PLPP4: variants seen among roughly 807,000 people sequenced by gnomAD.
PLPP4 encodes the protein phospholipid phosphatase 4, also known as diacylglycerol pyrophosphate like 2.
PLPP4 carries 20 observed loss-of-function variants against 32.2 expected under a neutral mutation model. The ratio of observed to expected loss-of-function variants is 0.62; its 90% CI spans 0.44 to 0.90. The LOEUF is 0.90. PLPP4 is among the 40% of genes least tolerant of loss of function. The pLI is 0.00. For synonymous variants in PLPP4, 127 were observed against 133.0 expected, an observed-to-expected ratio of 0.95 and a Z score of 0.31; for missense variants, 257 against 353.1, an observed-to-expected ratio of 0.73 and a Z score of 2.18.
intron 5 of PLPP4, among the ~76,000 whole-genome samples, chr10:120,558,094 T>C (rs997064479): frequency 6.6e-6 from 1 of 151,296 alleles, no homozygotes; most frequent in African/African-American, 2.4e-5. Flanking sequence ...GTTTAAGAGG[T>C]TGAATTTAAC....
At chr10:120,532,587 T>C (rs931742780) in intron 5 of PLPP4, among the ~76,000 whole-genome samples, 2 of 152,150 alleles carry the variant, frequency 1.3e-5, no homozygotes, top group African/African-American at 4.8e-5. Context: ...TTGTCTCTCA[T>C]AAAATAAAAC....
Position 120,515,718 on chromosome 10 carries a change from G to A in PLPP4, c.256+1717G>A, listed in dbSNP as rs562667859. On this transcript the variant is annotated intron_variant, in intron 3 of 6. Transcript: ENST00000398250. ...GCCTCCACACATGGCTTGAGTGGCC[G>A]GGCAGTGTTTGGATGGATATCACCA... Among the ~76,000 whole-genome samples the A allele has an allele frequency of 7.9e-5, 12 of 152,308 alleles. No homozygotes were observed. In the South Asian group the frequency reaches 1.7e-3, roughly 21 times the overall value.
chr10:120,471,759 G>C (rs533109832), intron 1 of PLPP4, among the ~76,000 whole-genome samples: 12 of 151,974 alleles, frequency 7.9e-5, no homozygotes, highest in Non-Finnish European at 1.6e-4. Context: ...TAATATGGTT[G>C]AATTTAAATC....
chr10:120,569,817 T>A (rs973956621), intron 5 of PLPP4, among the ~76,000 whole-genome samples: 1 of 152,224 alleles, frequency 6.6e-6, no homozygotes, highest in African/African-American at 2.4e-5. Flanking sequence ...GGGTGCCTCC[T>A]ATTGTCAGGC....
At chr10:120,491,698 A>G (rs1844731717) in intron 1 of PLPP4, among the ~76,000 whole-genome samples, 1 of 152,080 alleles carries the variant, frequency 6.6e-6, no homozygotes, top group African/African-American at 2.4e-5. Flanking sequence ...ACCAATTATC[A>G]GCACTTTTAT....
chr10:120,538,787 G>C (rs1002441818), intron 5 of PLPP4, among the ~76,000 whole-genome samples: 8 of 152,140 alleles, frequency 5.3e-5, no homozygotes, highest in African/African-American at 1.9e-4. Context: ...GGGCCTTAAA[G>C]CCTTTATTTT....
At chr10:120,560,723 C>T (rs1178463606) in intron 5 of PLPP4, among the ~76,000 whole-genome samples, 1 of 152,052 alleles carries the variant, frequency 6.6e-6, no homozygotes, top group East Asian at 1.9e-4. Flanking sequence ...CCACTGCACT[C>T]CAACCTGGGT....
chr10:120,519,266 G>A (rs968452461), intron 4 of PLPP4, among the ~76,000 whole-genome samples: 2 of 152,050 alleles, frequency 1.3e-5, no homozygotes, highest in Non-Finnish European at 2.9e-5. Flanking sequence ...TGAGACATAT[G>A]GATTGGCATT....
chr10:120,466,288 G>T (rs929512010), intron 1 of PLPP4, among the ~76,000 whole-genome samples: 1 of 151,794 alleles, frequency 6.6e-6, no homozygotes, highest in Non-Finnish European at 1.5e-5. Context: ...GCACCCCTAC[G>T]TATATATGTA....
At chr10:120,580,833 C>T (rs1488769922) in intron 6 of PLPP4, 2 of 1,258,798 alleles carry the variant, frequency 1.6e-6, no homozygotes, top group Admixed American at 2.3e-5. Context: ...AACAAAAACA[C>T]TGAAATTCTC....
At chr10:120,545,693 A>G (rs1847581697) in intron 5 of PLPP4, among the ~76,000 whole-genome samples, 1 of 152,214 alleles carries the variant, frequency 6.6e-6, no homozygotes, top group Non-Finnish European at 1.5e-5. Flanking sequence ...GGAAGGTTGG[A>G]TAGGGGTTTG....
intron 5 of PLPP4, among the ~76,000 whole-genome samples, chr10:120,535,492 G>C (rs1846974504): frequency 1.3e-5 from 2 of 151,866 alleles, no homozygotes; most frequent in African/African-American, 4.8e-5. Flanking sequence ...AGAGATTTTT[G>C]GTCCTTGTTT....
intron 1 of PLPP4, among the ~76,000 whole-genome samples, chr10:120,493,363 G>C (rs1249808899): frequency 6.6e-6 from 1 of 152,176 alleles, no homozygotes; most frequent in African/African-American, 2.4e-5. Context: ...AATGCTCAGT[G>C]GGATGCCATG....
chr10:120,462,304 G>A (rs1397851099), intron 1 of PLPP4, among the ~76,000 whole-genome samples: 2 of 152,152 alleles, frequency 1.3e-5, no homozygotes, highest in Non-Finnish European at 2.9e-5. Context: ...TGCAGGGCAG[G>A]GGTCATTCCC....
chr10:120,504,614 T>G (rs1334284979), intron 2 of PLPP4, among the ~76,000 whole-genome samples: 1 of 152,220 alleles, frequency 6.6e-6, no homozygotes, highest in Non-Finnish European at 1.5e-5. Context: ...CTATTTTATT[T>G]TTAAACTAAG....
At chr10:120,509,526 A>G (rs1589791440) in intron 2 of PLPP4, among the ~76,000 whole-genome samples, 1 of 152,298 alleles carries the variant, frequency 6.6e-6, no homozygotes, top group Non-Finnish European at 1.5e-5. Flanking sequence ...TGTTCAATAT[A>G]TAATCTCTGC....
At chr10:120,586,135 CTTTTTTT>C (rs11364962) in intron 6 of PLPP4, among the ~76,000 whole-genome samples, 6 of 141,792 alleles carry the variant, frequency 4.2e-5, no homozygotes, top group Non-Finnish European at 7.6e-5. Context: ...TTCTTTTTTT[CTTTTTTT>C]TTTTTTTAAA....
chr10:120,513,589 A>G (rs1461213004), intron 2 of PLPP4, among the ~76,000 whole-genome samples: 5 of 152,266 alleles, frequency 3.3e-5, no homozygotes, highest in African/African-American at 1.2e-4. Context: ...CACAGAGGAG[A>G]GCATGAGGGG....
intron 5 of PLPP4, among the ~76,000 whole-genome samples, chr10:120,572,511 T>C (rs1366771797): frequency 6.6e-6 from 1 of 152,260 alleles, no homozygotes; most frequent in Non-Finnish European, 1.5e-5. Context: ...CCCTAAGAGA[T>C]GCCAGTTTGG....
Sources: gnomAD v4.1 joint callset for allele counts (sites outside exome capture counted in the v4.1 genomes callset) on GRCh38, gnomAD v4.1.1 for gene constraint, MANE v1.5 for transcripts, NCBI Gene and HGNC (gene_info 2026-07-23, HGNC 2026-07-21) for gene names.